Variants in ZPLD1 observed in about 807,000 individuals in gnomAD.
The protein encoded by ZPLD1 is zona pellucida like domain containing 1, also known as zona pellucida-like domain-containing protein 1.
ZPLD1 carries 34 observed loss-of-function variants against 47.2 expected under a neutral mutation model. The observed-to-expected ratio is 0.72, with a 90% CI of 0.55 to 0.96. ZPLD1 has a LOEUF of 0.96. ZPLD1 is among the 40% of genes least tolerant of loss of function. The pLI is 0.00. For synonymous variants in ZPLD1, 176 were observed against 186.2 expected (o/e 0.95, Z 0.45); for missense variants, 512 against 505.8 (o/e 1.01, Z -0.12).
Position 102,453,062 on chromosome 3 carries a change from A to G in ZPLD1, c.250A>G (p.Asn84Asp). Residue 84 changes from asparagine to aspartate, a missense_variant, in exon 4 of 12, where the codon AAT becomes GAT. By Grantham distance (23) the Asn-to-Asp change is conservative. Coordinates refer to ENST00000466937, the MANE Select transcript of ZPLD1 (RefSeq NM_001329788.2). The part of the protein sequence containing the change: ...HGDSHCRGFI[N>D]NNTFPAVVIF... ...GGACTCCCACTGCAGAGGGTTCATC[A>G]ATAACAACACCTTTCCAGCAGTGGT... 6.2e-7 allele frequency: 1 copy of G among 1,614,116 alleles called. No homozygotes were observed. The highest frequency in any genetic ancestry group is 1.7e-5 in the Admixed American group (1 of 60,004).
At chr3:102,473,810 A>C (rs1377483415) in intron 10 of ZPLD1, among the ~76,000 whole-genome samples, 1 of 152,174 alleles carries the variant, frequency 6.6e-6, no homozygotes, top group African/African-American at 2.4e-5. Context: ...CAACTTCATG[A>C]CCAGAACTAC....
chr3:102,457,264 G>C (rs895305981), intron 5 of ZPLD1, among the ~76,000 whole-genome samples: 5 of 152,164 alleles, frequency 3.3e-5, no homozygotes, highest in African/African-American at 1.2e-4. Flanking sequence ...AGAAAGGAAA[G>C]GCCTCGAGTC....
chr3:102,392,761 C>T (rs1296189183), intron 7 of ZPLD1, among the ~76,000 whole-genome samples: 2 of 152,090 alleles, frequency 1.3e-5, no homozygotes, highest in Non-Finnish European at 2.9e-5. Flanking sequence ...GATTAATTTA[C>T]AACATAAATT....
chr3:102,422,208 A>C (rs1706888226), intron 8 of ZPLD1, among the ~76,000 whole-genome samples: 1 of 152,028 alleles, frequency 6.6e-6, no homozygotes, highest in African/African-American at 2.4e-5. Context: ...TACGAAGATG[A>C]ATATCATACT....
At chr3:102,397,682 C>T (rs1452324294) in intron 7 of ZPLD1, among the ~76,000 whole-genome samples, 10 of 152,090 alleles carry the variant, frequency 6.6e-5, no homozygotes, top group East Asian at 1.9e-4. Flanking sequence ...TACTCCTGCA[C>T]GAATTTAGAA....
chr3:102,419,639 T>C (rs1250247869), intron 8 of ZPLD1, among the ~76,000 whole-genome samples: 1 of 151,820 alleles, frequency 6.6e-6, no homozygotes, highest in Non-Finnish European at 1.5e-5. Context: ...CGACTGATTT[T>C]TTTTTTTTTG....
intron 8 of ZPLD1, among the ~76,000 whole-genome samples, chr3:102,466,417 C>G (rs1428809966): frequency 1.3e-5 from 2 of 152,018 alleles, no homozygotes; most frequent in Non-Finnish European, 2.9e-5. Flanking sequence ...CAATATTCTA[C>G]AGGAAAAATA....
chr3:102,386,440 A>C (rs1034753739), intron 6 of ZPLD1, among the ~76,000 whole-genome samples: 1 of 152,072 alleles, frequency 6.6e-6, no homozygotes, highest in African/African-American at 2.4e-5. Context: ...TTCTTTCATC[A>C]CAGGCAAATT....
At chr3:102,408,232 C>G (rs886543380) in intron 7 of ZPLD1, among the ~76,000 whole-genome samples, 23 of 151,756 alleles carry the variant, frequency 1.5e-4, no homozygotes, top group Non-Finnish European at 2.8e-4. Context: ...CCTTCTAGAC[C>G]TTATGTTTCA....
rs571659036 is a variant in ZPLD1, at chr3:102,405,573, T to G, written c.-156-12487T>G. Reference sequence around the variant, plus strand: ...TCTTCCAGGTGGCTTTGAATTCAAATGCATGAATGTAAAGTGTGTTAAATG... The same window carrying G: ...TCTTCCAGGTGGCTTTGAATTCAAAGGCATGAATGTAAAGTGTGTTAAATG... On this transcript the variant is annotated intron_variant, in intron 7 of 17. Transcript: ENST00000491959. 5.9e-5 allele frequency among the ~76,000 whole-genome samples: 9 copies of G among 152,118 alleles called. No homozygotes were observed. In the South Asian group the frequency reaches 1.7e-3, roughly 28 times the overall value.
chr3:102,444,893 G>T (rs79055080), intron 3 of ZPLD1, among the ~76,000 whole-genome samples: 1 of 152,002 alleles, frequency 6.6e-6, no homozygotes, highest in Non-Finnish European at 1.5e-5. Context: ...CATCTGAACC[G>T]TACAGAGCCT....
intron 7 of ZPLD1, among the ~76,000 whole-genome samples, chr3:102,392,892 G>C (rs1212111407): frequency 3.9e-5 from 6 of 152,096 alleles, no homozygotes; most frequent in Non-Finnish European, 5.9e-5. Context: ...ATAGACTATA[G>C]TTCAAGAAAA....
Position 102,435,135 on chromosome 3 carries a change from G to A in ZPLD1, c.-142G>A. ...GCAAGATGATGCTCAGGTTTTCCAT[G>A]TGCAGGGGAAATGATGAAGGTAAGG... On this transcript the variant is annotated 5_prime_UTR_variant, in exon 1 of 12. In the 5' UTR this introduces an upstream ATG that the reference lacks. Coordinates refer to ENST00000466937, the MANE Select transcript of ZPLD1 (RefSeq NM_001329788.2). 1 of 1,614,132 alleles carries A rather than the reference G, an allele frequency of 6.2e-7. No homozygotes were observed. Among genetic ancestry groups the A allele is most frequent in the Non-Finnish European group, 8.5e-7 (1 of 1,180,000 alleles).
intron 3 of ZPLD1, among the ~76,000 whole-genome samples, chr3:102,440,420 T>A (rs986607004): frequency 6.6e-6 from 1 of 151,990 alleles, no homozygotes; most frequent in Non-Finnish European, 1.5e-5. Flanking sequence ...AAGAGAAGAT[T>A]AAAGGATGTT....
intron 7 of ZPLD1, among the ~76,000 whole-genome samples, chr3:102,398,636 T>G (rs1432347426): frequency 6.6e-6 from 1 of 152,142 alleles, no homozygotes; most frequent in East Asian, 1.9e-4. Context: ...CTTCCCATTT[T>G]TAATCCCAAG....
chr3:102,468,936 T>C (rs764503320), intron 8 of ZPLD1, 28 bp from the exon 9 acceptor site: 41 of 1,595,734 alleles, frequency 2.6e-5, no homozygotes, highest in Non-Finnish European at 3.2e-5. Context: ...TCCAGTGATG[T>C]CCTGTTTTCA....
rs568551764 is a variant in ZPLD1, at chr3:102,474,596, T to G, written c.1043-2416T>G. 4.2e-3 allele frequency among the ~76,000 whole-genome samples: 643 copies of G among 152,220 alleles called. 6 individuals carry two copies. In the Middle Eastern group the frequency reaches 0.054, roughly 13 times the overall value. On this transcript the variant is annotated intron_variant, in intron 10 of 11. Transcript: ENST00000466937. ...ATTTTACTACATAGGTTATTAAAGT[T>G]TTTTAAAAAAAAAACTTTTCTAGTA...
At position 102,468,956 on chromosome 3, in the gene ZPLD1, A is replaced by C; in HGVS notation, c.762-8A>C. Reference sequence around the variant, plus strand: ...TGATGTCCTGTTTTCACGTTCCCTAAAATTTAGCTGTGACAAGGACCCTCA... The same window carrying C: ...TGATGTCCTGTTTTCACGTTCCCTACAATTTAGCTGTGACAAGGACCCTCA... On this transcript the variant is annotated splice_region_variant and splice_polypyrimidine_tract_variant and intron_variant, in intron 8 of 11. Transcript: ENST00000466937. The C allele has an allele frequency of 1.2e-6, 2 of 1,606,310 alleles. No homozygotes were observed. The highest frequency in any genetic ancestry group is 1.7e-6 in the Non-Finnish European group (2 of 1,177,242).
intron 7 of ZPLD1, among the ~76,000 whole-genome samples, chr3:102,412,732 T>C (rs547841805): frequency 1.3e-4 from 19 of 151,850 alleles, no homozygotes; most frequent in African/African-American, 4.6e-4. Flanking sequence ...CTACCCCTTA[T>C]CAAGAACTGT....
Sources: gnomAD v4.1 joint callset for allele counts (sites outside exome capture counted in the v4.1 genomes callset) on GRCh38, gnomAD v4.1.1 for gene constraint, MANE v1.5 for transcripts, NCBI Gene and HGNC (gene_info 2026-07-23, HGNC 2026-07-21) for gene names.